Variants in DOCK1 observed in about 807,000 individuals in gnomAD.
DOCK1 encodes the protein dedicator of cytokinesis 1.
In DOCK1, 138 loss-of-function variants were observed where a neutral mutation model predicts 262.7. That is an observed-to-expected ratio of 0.53 (90% CI 0.46 to 0.61). The LOEUF (loss-of-function observed/expected upper bound fraction) is 0.61. DOCK1 is among the 20% of genes least tolerant of loss of function. The probability of loss-of-function intolerance (pLI) is 0.00; values close to 1 mark genes in which losing one functional copy is unlikely to be tolerated. For synonymous variants in DOCK1, 866 were observed against 867.4 expected, an observed-to-expected ratio of 1.00 and a Z score of 0.03; for missense variants, 1,908 against 2,370.7, an observed-to-expected ratio of 0.80 and a Z score of 4.05.
chr10:126,950,157 A>G (rs2036080197), intron 1 of DOCK1, among the ~76,000 whole-genome samples: 2 of 152,100 alleles, frequency 1.3e-5, no homozygotes, highest in Non-Finnish European at 2.9e-5. Context: ...CACGAGAAGC[A>G]GTCAGTGGCT....
chr10:127,103,257 C>T (rs911765458), intron 23 of DOCK1, among the ~76,000 whole-genome samples: 8 of 152,160 alleles, frequency 5.3e-5, no homozygotes, highest in Admixed American at 3.9e-4. Context: ...GTTTTGTAAC[C>T]GTCATAGGTT....
chr10:127,044,832 G>C (rs1372569780), intron 21 of DOCK1, among the ~76,000 whole-genome samples: 2 of 152,242 alleles, frequency 1.3e-5, no homozygotes, highest in East Asian at 3.9e-4. Context: ...GGGAGATTTT[G>C]ATGAGTTTCC....
At chr10:127,398,295 G>A (rs936005808) in intron 38 of DOCK1, among the ~76,000 whole-genome samples, 14 of 152,192 alleles carry the variant, frequency 9.2e-5, no homozygotes, top group African/African-American at 2.2e-4. Flanking sequence ...GGAGAGAGTG[G>A]TGATGCTTGC....
intron 9 of DOCK1, 110 bp downstream of exon 9, chr10:126,999,545 T>C (rs41282888): frequency 0.21 from 174,539 of 823,908 alleles, 19,256 homozygotes; most frequent in East Asian, 0.34. Context: ...CTGGGATGCC[T>C]GTATACAGGT....
At position 127,020,178 on chromosome 10, in the gene DOCK1, CTA is replaced by C. The variant is rs1394662373; in HGVS notation, c.1327+1347_1327+1348del. On this transcript the variant is annotated intron_variant, in intron 13 of 51. Coordinates refer to ENST00000623213, the MANE Select transcript of DOCK1 (RefSeq NM_001290223.2). ...AAGCTATTGCTTGTGTGTGTCCAGT[CTA>C]TATGCAGGAAATTAATTTAGGTTTA... Among the ~76,000 whole-genome samples the C allele has an allele frequency of 1.3e-5, 2 of 152,140 alleles. 1 individual carries two copies. Among genetic ancestry groups the C allele is most frequent in the Non-Finnish European group, 2.9e-5 (2 of 68,042 alleles).
intron 3 of DOCK1, among the ~76,000 whole-genome samples, chr10:126,980,854 G>A (rs1335076791): frequency 6.6e-6 from 1 of 152,006 alleles, no homozygotes; most frequent in African/African-American, 2.4e-5. Context: ...GCGTTGCACT[G>A]CCCAAGACCC....
chr10:126,978,020 CTCT>C, intron 3 of DOCK1, 32 bp downstream of exon 3: 1 of 1,603,462 alleles, frequency 6.2e-7, no homozygotes, highest in East Asian at 2.2e-5. Context: ...CAGTGCATGT[CTCT>C]TCATAAATCA....
At chr10:127,141,676 C>CA (rs796870030) in intron 27 of DOCK1, among the ~76,000 whole-genome samples, 3,127 of 139,896 alleles carry the variant, frequency 0.022, 44 homozygotes, top group Middle Eastern at 0.033. Context: ...GTCTTTAAAA[C>CA]AAAAAAAAAA....
At chr10:127,017,387 A>T (rs2042063024) in intron 12 of DOCK1, among the ~76,000 whole-genome samples, 1 of 152,112 alleles carries the variant, frequency 6.6e-6, no homozygotes, top group Non-Finnish European at 1.5e-5. Flanking sequence ...ACAGACATAC[A>T]TACAGATACA....
chr10:127,323,893 G>T lies in DOCK1; in HGVS notation c.3045-15113G>T, dbSNP rs369718159. 3.4e-4 allele frequency among the ~76,000 whole-genome samples: 52 copies of T among 152,376 alleles called. 1 individual carries two copies. In the South Asian group the frequency reaches 0.011, roughly 31 times the overall value. On this transcript the variant is annotated intron_variant, in intron 29 of 51. Coordinates refer to ENST00000623213, the MANE Select transcript of DOCK1 (RefSeq NM_001290223.2). ...CATTTGGCATCTGAGCTGGTGTTCA[G>T]TGCTTCCCTCACTGCTGTGTGGTTG... is the stretch of plus-strand genomic sequence containing the variant.
chr10:127,401,160 G>A (rs1361552614), intron 38 of DOCK1, among the ~76,000 whole-genome samples: 3 of 151,828 alleles, frequency 2.0e-5, no homozygotes, highest in Non-Finnish European at 4.4e-5. Context: ...CCATTACCTG[G>A]CCGCCACCAC....
chr10:126,920,951 C>T (rs61875479), intron 1 of DOCK1, among the ~76,000 whole-genome samples: 28,629 of 152,116 alleles, frequency 0.19, 3,092 homozygotes, highest in East Asian at 0.36. Context: ...AATCCCAGCA[C>T]GTTGGGAGGC....
At chr10:127,222,870 T>G (rs2058493881) in intron 27 of DOCK1, among the ~76,000 whole-genome samples, 1 of 152,066 alleles carries the variant, frequency 6.6e-6, no homozygotes. Context: ...GGAGATTAGG[T>G]CTCACTGTGT....
intron 38 of DOCK1, chr10:127,402,612 T>G: frequency 2.0e-6 from 1 of 506,908 alleles, no homozygotes; most frequent in Non-Finnish European, 4.0e-6. Flanking sequence ...CGACATAGCA[T>G]TTTTTAGGTG....
intron 43 of DOCK1, among the ~76,000 whole-genome samples, chr10:127,412,692 TC>T (rs2067931588): frequency 1.3e-5 from 2 of 152,136 alleles, no homozygotes; most frequent in African/African-American, 2.4e-5. Context: ...CTACCCAGTC[TC>T]CCTCCCAATC....
At chr10:127,229,641 C>T (rs2058767797) in intron 27 of DOCK1, among the ~76,000 whole-genome samples, 1 of 152,180 alleles carries the variant, frequency 6.6e-6, no homozygotes, top group Admixed American at 6.5e-5. Flanking sequence ...TTGATGCACG[C>T]TTAGGCTGTT....
In DOCK1 at chr10:127,026,544, C is replaced by T. The variant is rs201273547; in HGVS notation, c.1624+120C>T. The T allele has an allele frequency of 3.6e-5, 31 of 869,358 alleles. No homozygotes were observed. The East Asian group carries it at 8.3e-4, about 23-fold the overall frequency. 53.9% of individuals were successfully genotyped at this position (869,358 alleles called of 1,614,324 possible). On this transcript the variant is annotated intron_variant, in intron 16 of 51. Transcript: ENST00000623213. ...TCATAACACAATAAGGCTCATTTCC[C>T]ACCGGAACCTATTCCTTGGAAACAT...
chr10:127,061,612 C>G, intron 22 of DOCK1, 56 bp from the exon 23 acceptor site: 1 of 1,455,848 alleles, frequency 6.9e-7, no homozygotes, highest in Non-Finnish European at 9.4e-7. Context: ...GACATGGATT[C>G]AAAAAATGTT....
chr10:126,926,381 T>C (rs755719682), intron 1 of DOCK1, among the ~76,000 whole-genome samples: 4 of 151,716 alleles, frequency 2.6e-5, no homozygotes, highest in Non-Finnish European at 4.4e-5. Flanking sequence ...CCAGGAAAAG[T>C]AGACAAAAGA....
Sources: gnomAD v4.1 joint callset for allele counts (sites outside exome capture counted in the v4.1 genomes callset) on GRCh38, gnomAD v4.1.1 for gene constraint, MANE v1.5 for transcripts, NCBI Gene and HGNC (gene_info 2026-07-23, HGNC 2026-07-21) for gene names.